Variants in MGAT4C observed in about 807,000 individuals in gnomAD.
MGAT4C encodes MGAT4 family member C.
In MGAT4C, 19 loss-of-function variants were observed where a neutral mutation model predicts 40.1. That is an observed-to-expected ratio of 0.47 (90% CI 0.33 to 0.70). The LOEUF (loss-of-function observed/expected upper bound fraction) is 0.70. Among genes scored for constraint, MGAT4C ranks in the 30% least tolerant of loss-of-function variants. The pLI, the probability that MGAT4C is intolerant of heterozygous loss-of-function variation, is 0.02. For synonymous variants in MGAT4C, 181 were observed against 187.1 expected, an observed-to-expected ratio of 0.97 and a Z score of 0.27; for missense variants, 491 against 563.2, an observed-to-expected ratio of 0.87 and a Z score of 1.30.
At chr12:86,688,284 C>A (rs905139112) in intron 2 of MGAT4C, among the ~76,000 whole-genome samples, 2 of 147,238 alleles carry the variant, frequency 1.4e-5, no homozygotes, top group Non-Finnish European at 3.0e-5. Context: ...ACCGATGGGT[C>A]TTGTCTCTTT....
At chr12:86,041,114 T>A (rs1267109877) in intron 2 of MGAT4C, among the ~76,000 whole-genome samples, 1 of 150,602 alleles carries the variant, frequency 6.6e-6, no homozygotes, top group Non-Finnish European at 1.5e-5. Context: ...AGACCGGAGC[T>A]TTTCTTATTC....
At chr12:86,811,442 G>A (rs1180160816) in intron 1 of MGAT4C, among the ~76,000 whole-genome samples, 3 of 147,530 alleles carry the variant, frequency 2.0e-5, no homozygotes, top group African/African-American at 7.4e-5. Flanking sequence ...TCCTACGTTA[G>A]GTAATTTTCC....
chr12:86,244,875 G>A (rs1951959031), intron 1 of MGAT4C, among the ~76,000 whole-genome samples: 1 of 152,170 alleles, frequency 6.6e-6, no homozygotes, highest in South Asian at 2.1e-4. Flanking sequence ...GGGTTTATGG[G>A]TGAGTAATAA....
chr12:86,073,584 T>C (rs937750904), intron 1 of MGAT4C, among the ~76,000 whole-genome samples: 8 of 152,088 alleles, frequency 5.3e-5, no homozygotes, highest in African/African-American at 1.9e-4. Context: ...TGAGGTAGTC[T>C]CAGACGGAGA....
intron 1 of MGAT4C, among the ~76,000 whole-genome samples, chr12:86,764,070 C>T (rs539172326): frequency 7.9e-5 from 12 of 152,116 alleles, no homozygotes; most frequent in Non-Finnish European, 1.8e-4. Context: ...CATTGCCTCA[C>T]TCCAGAAGCG....
chr12:86,677,837 A>G (rs573828943), intron 2 of MGAT4C, among the ~76,000 whole-genome samples: 3 of 152,164 alleles, frequency 2.0e-5, no homozygotes, highest in South Asian at 4.1e-4. Context: ...TTTTCAATTA[A>G]CCTTTCTTCA....
chr12:86,100,044 T>C (rs950620169), intron 1 of MGAT4C, among the ~76,000 whole-genome samples: 2 of 150,616 alleles, frequency 1.3e-5, no homozygotes, highest in African/African-American at 4.8e-5. Context: ...TTTTTGAATC[T>C]TTTATTCTAT....
rs185840655 is a variant in MGAT4C, at chr12:86,393,049, G to A, written c.-120+42108C>T. 2.5e-3 allele frequency among the ~76,000 whole-genome samples: 379 copies of A among 152,194 alleles called. 2 individuals carry two copies. The highest frequency in any genetic ancestry group is 8.8e-3 in the African/African-American group (365 of 41,534). ...AACATGTAAATTAAAACAAAGCTTA[G>A]AAGGTCAATTATTTTTCCAGGGAAA... On this transcript the variant is annotated intron_variant, in intron 3 of 7. Transcript: ENST00000548651.
chr12:86,508,430 T>G lies in MGAT4C; in HGVS notation c.-228-73165A>C, dbSNP rs548882027. Among the ~76,000 whole-genome samples the G allele has an allele frequency of 3.3e-3, 507 of 152,304 alleles. 1 individual carries two copies. The highest frequency in any genetic ancestry group is 0.012 in the African/African-American group (490 of 41,566). Reference sequence around the variant, plus strand: ...TGCATAGTATTCCACGGTGTATATGTGCCACATTTTCTTAATCCAGTCTAT... The same window carrying G: ...TGCATAGTATTCCACGGTGTATATGGGCCACATTTTCTTAATCCAGTCTAT... On this transcript the variant is annotated intron_variant, in intron 2 of 7. Coordinates refer to the MGAT4C transcript ENST00000548651.
At chr12:86,220,341 A>T (rs1158824350) in intron 1 of MGAT4C, among the ~76,000 whole-genome samples, 1 of 152,218 alleles carries the variant, frequency 6.6e-6, no homozygotes, top group Non-Finnish European at 1.5e-5. Flanking sequence ...TATGACAATT[A>T]AGATTTCATG....
chr12:86,461,789 T>C (rs1957605892), intron 2 of MGAT4C, among the ~76,000 whole-genome samples: 1 of 152,128 alleles, frequency 6.6e-6, no homozygotes, highest in East Asian at 1.9e-4. Context: ...GTGGTCAGAA[T>C]TTTAGTTTAT....
chr12:86,769,705 G>A (rs935822626), intron 1 of MGAT4C, among the ~76,000 whole-genome samples: 6 of 152,100 alleles, frequency 3.9e-5, no homozygotes, highest in Non-Finnish European at 7.4e-5. Context: ...ATGAGTTCAT[G>A]TCCTTTGTAG....
intron 2 of MGAT4C, among the ~76,000 whole-genome samples, chr12:86,654,946 T>G (rs2136540224): frequency 6.6e-6 from 1 of 152,122 alleles, no homozygotes; most frequent in East Asian, 1.9e-4. Context: ...AGAACATGAG[T>G]AAAAATTTGC....
intron 1 of MGAT4C, among the ~76,000 whole-genome samples, chr12:86,137,286 A>G (rs1882111634): frequency 6.6e-6 from 1 of 152,210 alleles, no homozygotes; most frequent in Non-Finnish European, 1.5e-5. Flanking sequence ...TTTCATAAAT[A>G]AAAAAGCTGC....
chr12:86,057,796 A>C (rs1312787476), intron 1 of MGAT4C, among the ~76,000 whole-genome samples: 1 of 152,190 alleles, frequency 6.6e-6, no homozygotes, highest in Non-Finnish European at 1.5e-5. Flanking sequence ...AGTATAATAA[A>C]TTCATATAAG....
chr12:86,386,907 G>T lies in MGAT4C; in HGVS notation c.-120+48250C>A, dbSNP rs916782442. Among the ~76,000 whole-genome samples, 8 of 152,066 alleles carry T rather than the reference G, an allele frequency of 5.3e-5. No homozygotes were observed. In the East Asian group the frequency reaches 1.4e-3, roughly 26 times the overall value. On this transcript the variant is annotated intron_variant, in intron 3 of 7. Coordinates refer to the MGAT4C transcript ENST00000548651. Reference sequence around the variant, plus strand: ...AAAGTTCAATTTAGCTATTGTGTTTGCATAGCTGACTAATAACACATATCA... The same window carrying T: ...AAAGTTCAATTTAGCTATTGTGTTTTCATAGCTGACTAATAACACATATCA...
At chr12:86,201,121 A>G (rs1470755091) in intron 1 of MGAT4C, among the ~76,000 whole-genome samples, 3 of 152,206 alleles carry the variant, frequency 2.0e-5, no homozygotes, top group Non-Finnish European at 4.4e-5. Flanking sequence ...TTTAGCAAAT[A>G]CTTTTCTTTT....
intron 3 of MGAT4C, among the ~76,000 whole-genome samples, chr12:86,408,477 CTCTATATATATATATA>C (rs1171475609): frequency 1.0e-5 from 1 of 97,588 alleles, no homozygotes; most frequent in Non-Finnish European, 1.9e-5. Context: ...CTCTCTCTCT[CTCTATATATATATATA>C]TATATATATA....
At position 86,311,425 on chromosome 12, in the gene MGAT4C, A is replaced by C. The variant is rs577310145; in HGVS notation, c.-57+22640T>G. On this transcript the variant is annotated intron_variant, in intron 4 of 7. Transcript: ENST00000548651. Reference sequence around the variant, plus strand: ...CGCTGACTGAAACATAATGCAGTGCATAACAGTATTTGATTTTTAAAAGGG... The same window carrying C: ...CGCTGACTGAAACATAATGCAGTGCCTAACAGTATTTGATTTTTAAAAGGG... 3.3e-5 allele frequency among the ~76,000 whole-genome samples: 5 copies of C among 152,250 alleles called. No individual in the cohort carries two copies. In the South Asian group the frequency reaches 1.0e-3, roughly 32 times the overall value.
Sources: allele counts gnomAD v4.1 joint callset (sites outside exome capture counted in the v4.1 genomes callset), GRCh38; gene constraint gnomAD v4.1.1; transcripts MANE v1.5; gene names NCBI Gene and HGNC (gene_info 2026-07-23, HGNC 2026-07-21).